The following NHSL1 variants were observed in gnomAD, a reference collection of about 807,000 sequenced individuals.
The protein encoded by NHSL1 is NHS like 1, also known as NHS-like protein 1.
NHSL1 carries 48 observed loss-of-function variants against 95.0 expected under a neutral mutation model. The observed-to-expected ratio is 0.51, with a 90% confidence interval of 0.40 to 0.64. The LOEUF (loss-of-function observed/expected upper bound fraction) is 0.64. Ranked by LOEUF, NHSL1 falls within the 30% of genes least tolerant of loss-of-function variation. The pLI is 0.00. For missense variants in NHSL1, 1,971 were observed against 2,077.7 expected, an observed-to-expected ratio of 0.95 and a Z score of 1.00; for synonymous variants, 783 against 833.9, an observed-to-expected ratio of 0.94 and a Z score of 1.05.
intron 4 of NHSL1, among the ~76,000 whole-genome samples, chr6:138,443,080 C>A (rs1233879987): frequency 2.6e-5 from 4 of 152,008 alleles, no homozygotes; most frequent in African/African-American, 7.2e-5. Flanking sequence ...TATATACACA[C>A]ACACACATTA....
chr6:138,545,480 T>C, intron 1 of NHSL1: 1 of 496,442 alleles, frequency 2.0e-6, no homozygotes, highest in Non-Finnish European at 3.4e-6. Context: ...AAAAGAACAA[T>C]GACTTTTTCA....
intron 1 of NHSL1, among the ~76,000 whole-genome samples, chr6:138,520,256 T>C (rs1781622430): frequency 6.6e-6 from 1 of 150,984 alleles, no homozygotes. Flanking sequence ...CACTGAGTGC[T>C]GGAATACGCT....
intron 1 of NHSL1, among the ~76,000 whole-genome samples, chr6:138,680,500 A>G (rs1465421315): frequency 6.6e-6 from 1 of 152,270 alleles, no homozygotes; most frequent in Non-Finnish European, 1.5e-5. Context: ...TAAGTCAGAA[A>G]GCAATTCACA....
At chr6:138,446,033 A>ATT (rs201605598) in intron 4 of NHSL1, among the ~76,000 whole-genome samples, 21 of 133,326 alleles carry the variant, frequency 1.6e-4, no homozygotes, top group African/African-American at 3.1e-4. Context: ...GAAAATTTTG[A>ATT]TTTTTTTTTT....
chr6:138,490,056 A>G lies in NHSL1; in HGVS notation c.211+6163T>C, dbSNP rs570378335. ...CAGGAACAGGAAGCTTCTGAAGTTT[A>G]GGTCACATTTTGACCTAGGTAATGG... On this transcript the variant is annotated intron_variant, in intron 2 of 7. Coordinates refer to ENST00000343505, the MANE Select transcript of NHSL1 (RefSeq NM_001144060.2). Among the ~76,000 whole-genome samples the G allele has an allele frequency of 8.5e-5, 13 of 152,068 alleles. No individual in the cohort carries two copies. The South Asian group carries it at 2.7e-3, about 32-fold the overall frequency.
intron 1 of NHSL1, among the ~76,000 whole-genome samples, chr6:138,520,280 C>CTT (rs397888767): frequency 0.015 from 1,237 of 80,970 alleles, 145 homozygotes; most frequent in African/African-American, 0.044. Flanking sequence ...TAGTTTAATT[C>CTT]TTTTTTTTTT....
At position 138,422,500 on chromosome 6, in the gene NHSL1, C is replaced by G. The variant is rs890291554; in HGVS notation, c.*1581G>C. 1 of 152,116 alleles carries G rather than the reference C, an allele frequency of 6.6e-6. No individual in the cohort carries two copies. Among genetic ancestry groups the G allele is most frequent in the Non-Finnish European group, 1.5e-5 (1 of 68,030 alleles). 9.4% of individuals were successfully genotyped at this position (152,116 alleles called of 1,614,324 possible). ...TTTTAGATAGTATTTCCATACCCCC[C>G]AAAAGCTGGCAGGTGGTAGTCGCAC... On this transcript the variant is annotated 3_prime_UTR_variant, in exon 8 of 8. Transcript: ENST00000343505.
intron 3 of NHSL1, among the ~76,000 whole-genome samples, chr6:138,465,014 T>C (rs1310685502): frequency 6.7e-6 from 1 of 150,046 alleles, no homozygotes; most frequent in East Asian, 2.0e-4. Flanking sequence ...TGCCTGGCTC[T>C]CTTCACTGTA....
At chr6:138,461,073 G>A (rs946361746) in intron 3 of NHSL1, among the ~76,000 whole-genome samples, 5 of 152,072 alleles carry the variant, frequency 3.3e-5, no homozygotes, top group African/African-American at 9.7e-5. Flanking sequence ...TTGAGACCAG[G>A]CCCAATGTTT....
intron 1 of NHSL1, among the ~76,000 whole-genome samples, chr6:138,611,953 T>C: frequency 6.7e-6 from 1 of 149,990 alleles, no homozygotes; most frequent in South Asian, 2.1e-4. Flanking sequence ...CTACTAAAAA[T>C]ACAAAAATTA....
At chr6:138,642,109 G>C (rs145620928) in intron 1 of NHSL1, among the ~76,000 whole-genome samples, 113 of 152,050 alleles carry the variant, frequency 7.4e-4, no homozygotes, top group African/African-American at 2.6e-3. Context: ...TTAAAAATAA[G>C]AGTTTAGAGA....
intron 1 of NHSL1, among the ~76,000 whole-genome samples, chr6:138,580,538 T>G (rs1032872069): frequency 6.6e-6 from 1 of 152,230 alleles, no homozygotes; most frequent in East Asian, 1.9e-4. Context: ...ATAATACATA[T>G]TTGCCAGTTT....
intron 3 of NHSL1, among the ~76,000 whole-genome samples, chr6:138,455,927 A>C (rs752320951): frequency 6.6e-6 from 1 of 152,240 alleles, no homozygotes; most frequent in Non-Finnish European, 1.5e-5. Flanking sequence ...TTTTATAAAA[A>C]CAGACATTGT....
chr6:138,617,762 T>C (rs1375453680), intron 1 of NHSL1, among the ~76,000 whole-genome samples: 4 of 152,238 alleles, frequency 2.6e-5, no homozygotes, highest in African/African-American at 9.6e-5. Context: ...GCGTTCTCAT[T>C]ACTCCTGGAG....
chr6:138,530,668 C>G (rs569537536), intron 1 of NHSL1, among the ~76,000 whole-genome samples: 3 of 152,124 alleles, frequency 2.0e-5, no homozygotes, highest in Non-Finnish European at 4.4e-5. Context: ...CTAAGTGAAG[C>G]AACTCAGGGA....
At chr6:138,585,328 C>A (rs923649019) in intron 1 of NHSL1, among the ~76,000 whole-genome samples, 1 of 152,118 alleles carries the variant, frequency 6.6e-6, no homozygotes, top group East Asian at 1.9e-4. Flanking sequence ...AGTGAGCACC[C>A]AAGTCTCACC....
At chr6:138,620,994 A>C (rs12528006) in intron 1 of NHSL1, among the ~76,000 whole-genome samples, 30,696 of 151,922 alleles carry the variant, frequency 0.2, 3,199 homozygotes, top group Middle Eastern at 0.27. Context: ...ATGCTGTAGG[A>C]CTCCCAGGTG....
intron 1 of NHSL1, among the ~76,000 whole-genome samples, chr6:138,661,645 G>GA (rs1785228617): frequency 1.3e-5 from 2 of 150,268 alleles, no homozygotes; most frequent in East Asian, 3.9e-4. Flanking sequence ...CTAAGCGACA[G>GA]AATGAGACCT....
At chr6:138,429,565 G>A (rs574718235) in intron 7 of NHSL1, 146 bp downstream of exon 7, 1 of 710,536 alleles carries the variant, frequency 1.4e-6, no homozygotes, top group South Asian at 2.3e-5. Flanking sequence ...TAAAACTGTA[G>A]AAACCCACTA....
Sources: gnomAD v4.1 joint callset for allele counts (sites outside exome capture counted in the v4.1 genomes callset) on GRCh38, gnomAD v4.1.1 for gene constraint, MANE v1.5 for transcripts, NCBI Gene and HGNC (gene_info 2026-07-23, HGNC 2026-07-21) for gene names.